ATAD3C: variants seen among roughly 807,000 people sequenced by gnomAD.
ATAD3C encodes the protein ATPase family AAA domain-containing protein 3C.
A neutral mutation model predicts 46.3 loss-of-function variants in ATAD3C; 38 were observed. The ratio of observed to expected loss-of-function variants is 0.82; its 90% CI spans 0.63 to 1.08. The LOEUF (loss-of-function observed/expected upper bound fraction) is 1.08. ATAD3C is among the 50% of genes least tolerant of loss of function. ATAD3C has a pLI of 0.00. For missense variants in ATAD3C, 563 were observed against 572.7 expected, an observed-to-expected ratio of 0.98 and a Z score of 0.17; for synonymous variants, 220 against 236.4, an observed-to-expected ratio of 0.93 and a Z score of 0.63.
At chr1:1,461,051 A>C in intron 10 of ATAD3C, 134 bp downstream of exon 10, 2 of 1,216,460 alleles carry the variant, frequency 1.6e-6, no homozygotes, top group Non-Finnish European at 2.2e-6. Flanking sequence ...GGTTTCGTGC[A>C]GGAGCCCTGT....
chr1:1,460,683 C>T, intron 9 of ATAD3C, 67 bp from the exon 10 acceptor site: 4 of 1,490,360 alleles, frequency 2.7e-6, no homozygotes, highest in East Asian at 2.5e-5. Flanking sequence ...GGCTGAGGAG[C>T]ACCTGTTCCC....
Position 1,462,568 on chromosome 1 carries a change from T to C in ATAD3C, c.981-32T>C. 2 of 1,557,432 alleles carry C rather than the reference T, an allele frequency of 1.3e-6. No individual in the cohort carries two copies. The highest frequency in any genetic ancestry group is 1.7e-6 in the Non-Finnish European group (2 of 1,147,100). ...ACCTCGTGGTGTGGGAGCTGCTGCC[T>C]TGGCCGGCCCACTTGGGAACTCCTT... On this transcript the variant is annotated intron_variant, in intron 10 of 11. Transcript: ENST00000378785. The surrounding 1 kb of genome is among the most constrained non-coding windows in gnomAD (Gnocchi z 4.5).
rs1639023205 is a variant in ATAD3C, at chr1:1,459,583, G to A, written c.812+352G>A. On this transcript the variant is annotated intron_variant, in intron 9 of 11. Coordinates refer to ENST00000378785, the MANE Select transcript of ATAD3C (RefSeq NM_001039211.3). The surrounding 1 kb of genome is among the most constrained non-coding windows in gnomAD (Gnocchi z 4.9). Reference sequence around the variant, plus strand: ...CTCTGCTGGGTCTCCCTTGGAGGGTGTGTGTGCCCTGGGGTGGGAGATGGA... The same window carrying A: ...CTCTGCTGGGTCTCCCTTGGAGGGTATGTGTGCCCTGGGGTGGGAGATGGA... Among the ~76,000 whole-genome samples the A allele has an allele frequency of 6.6e-6, 1 of 151,842 alleles. No individual in the cohort carries two copies. The highest frequency in any genetic ancestry group is 2.1e-4 in the South Asian group (1 of 4,796).
intron 11 of ATAD3C, among the ~76,000 whole-genome samples, chr1:1,466,387 CTAAAAAATA>C (rs1639142963): frequency 6.6e-6 from 1 of 151,396 alleles, no homozygotes; most frequent in African/African-American, 2.4e-5. Context: ...CCTGTCTCTA[CTAAAAAATA>C]TAAAAAATTA....
chr1:1,457,429 C>T (rs1332852233), intron 8 of ATAD3C, among the ~76,000 whole-genome samples: 3 of 151,226 alleles, frequency 2.0e-5, no homozygotes, highest in Non-Finnish European at 4.4e-5. Context: ...CCCGTCTCTA[C>T]TAAAAATACA....
In ATAD3C at chr1:1,469,852, A is replaced by T. The variant is rs1328050672; in HGVS notation, c.*1322A>T. On this transcript the variant is annotated 3_prime_UTR_variant, in exon 12 of 12. Transcript: ENST00000378785. ...TCCAGATGGCCTGAAGCAACTGAAG[A>T]TCCACAAAATAAGTGAAAAGAGCCT... The T allele has an allele frequency of 6.6e-6, 1 of 151,974 alleles. No homozygotes were observed. The highest frequency in any genetic ancestry group is 2.4e-5 in the African/African-American group (1 of 41,328). 9.4% of individuals were successfully genotyped at this position (151,974 alleles called of 1,614,324 possible). A position where few individuals can be genotyped will look rare whatever the true frequency, so the allele number is the denominator to read the frequency against.
rs548165297 is a variant in ATAD3C at position 1,455,378 on chromosome 1, G to A, written c.379-82G>A. On this transcript the variant is annotated intron_variant, in intron 4 of 11. Transcript: ENST00000378785. ...TGATTCGGGGCAGCTCCGTTTCTGC[G>A]TGTTACCGAGCTTGTGTGTGCGTTG... 54 of 1,554,304 alleles carry A rather than the reference G, an allele frequency of 3.5e-5. 1 individual carries two copies. Among genetic ancestry groups the A allele is most frequent in the East Asian group, 2.8e-4 (12 of 42,170 alleles).
intron 10 of ATAD3C, among the ~76,000 whole-genome samples, chr1:1,461,429 C>T (rs1370698770): frequency 6.6e-6 from 1 of 151,986 alleles, no homozygotes; most frequent in Non-Finnish European, 1.5e-5. Context: ...CTCAGGTGAT[C>T]CGCCCGCTTC....
intron 1 of ATAD3C, among the ~76,000 whole-genome samples, chr1:1,451,499 A>T (rs1638858539): frequency 6.6e-6 from 1 of 151,726 alleles, no homozygotes; most frequent in African/African-American, 2.4e-5. Context: ...GGCACCCACC[A>T]CCATACTCGG....
chr1:1,458,193 C>G (rs1431302075), intron 8 of ATAD3C, among the ~76,000 whole-genome samples: 3 of 151,792 alleles, frequency 2.0e-5, no homozygotes. Flanking sequence ...GTTGGTCAGG[C>G]TGGTTGAGAA....
In ATAD3C at chr1:1,464,186, A is replaced by G. The variant is rs188188186; in HGVS notation, c.1089+1478A>G. ...CGTGCCACTGTACTTCAGCCTGAGC[A>G]ACAGAGTGAGACTGTCTCAAAAAAA... is the stretch of plus-strand genomic sequence containing the variant. On this transcript the variant is annotated intron_variant, in intron 11 of 11. Transcript: ENST00000378785. Among the ~76,000 whole-genome samples the G allele has an allele frequency of 8.0e-4, 121 of 150,378 alleles. 1 individual carries two copies. Among genetic ancestry groups the G allele is most frequent in the African/African-American group, 2.8e-3 (116 of 40,830 alleles).
intron 9 of ATAD3C, among the ~76,000 whole-genome samples, chr1:1,460,361 G>A (rs924499175): frequency 2.0e-5 from 3 of 152,050 alleles, no homozygotes; most frequent in African/African-American, 2.4e-5. Flanking sequence ...GATTATAGGC[G>A]TGAGCCACTG....
intron 8 of ATAD3C, among the ~76,000 whole-genome samples, chr1:1,457,760 C>G (rs1638991222): frequency 1.3e-5 from 2 of 151,502 alleles, no homozygotes. Context: ...CTCACTGCAA[C>G]CTCCGCCTCC....
chr1:1,468,037 G>C (rs1048188739), intron 11 of ATAD3C, among the ~76,000 whole-genome samples: 1 of 151,838 alleles, frequency 6.6e-6, no homozygotes, highest in African/African-American at 2.4e-5. Flanking sequence ...ATGACCCGGG[G>C]GCACTGCCTG....
At chr1:1,456,462 T>C in intron 7 of ATAD3C, 113 bp downstream of exon 7, 7 of 667,066 alleles carry the variant, frequency 1.0e-5, no homozygotes, top group Non-Finnish European at 1.5e-5. Flanking sequence ...AGCTCTGTCC[T>C]TGTGGCCACG....
intron 5 of ATAD3C, 95 bp downstream of exon 5, chr1:1,455,614 G>C: frequency 6.3e-7 from 1 of 1,590,944 alleles, no homozygotes; most frequent in South Asian, 1.1e-5. Flanking sequence ...GTGGCGCCCA[G>C]GATCTTTTGG....
At chr1:1,468,302 C>T in intron 11 of ATAD3C, 82 bp from the exon 12 acceptor site, 2 of 1,516,288 alleles carry the variant, frequency 1.3e-6, no homozygotes, top group Non-Finnish European at 1.8e-6. Context: ...GGTTTGGTCC[C>T]TCCCCACCTC....
chr1:1,453,240 TC>T (rs1638894989), intron 3 of ATAD3C, among the ~76,000 whole-genome samples: 1 of 152,104 alleles, frequency 6.6e-6, no homozygotes, highest in African/African-American at 2.4e-5. Context: ...TCTCACTCTG[TC>T]TTCCAGGCTG....
chr1:1,460,778 C>A lies in ATAD3C; in HGVS notation c.841C>A (p.Pro281Thr). 1 of 1,611,092 alleles carries A rather than the reference C, an allele frequency of 6.2e-7. No individual in the cohort carries two copies. Among genetic ancestry groups the A allele is most frequent in the African/African-American group, 1.3e-5 (1 of 74,936 alleles). The change falls in exon 10 of 12, where the codon CCC (proline) becomes ACC (threonine). Residue 281 changes from proline to threonine, a missense_variant. Transcript: ENST00000378785. ...KFMLILASCH[P>T]EQFDWAINAC... ...CATGCTGATCCTGGCCAGCTGCCAC[C>A]CCGAGCAGTTCGACTGGGCCATCAA...
Sources: allele counts gnomAD v4.1 joint callset (sites outside exome capture counted in the v4.1 genomes callset), GRCh38; gene constraint gnomAD v4.1.1; non-coding constraint Gnocchi (gnomAD v3.1); transcripts MANE v1.5; gene names NCBI Gene and HGNC (gene_info 2026-07-23, HGNC 2026-07-21).